RP1: variants seen among roughly 807,000 people sequenced by gnomAD.
The protein encoded by RP1 is RP1 axonemal microtubule associated, also known as oxygen-regulated protein 1.
Under a neutral mutation model 14.8 loss-of-function variants are expected in RP1, and 16 were observed. The ratio of observed to expected loss-of-function variants is 1.08; its 90% CI spans 0.73 to 1.65. The LOEUF (loss-of-function observed/expected upper bound fraction) is 1.65, where lower values mean the gene tolerates loss of function less well. Among genes scored for constraint, RP1 ranks in the 40% most tolerant of loss-of-function variants. RP1 has a pLI of 0.00. For synonymous variants in RP1, 876 were observed against 883.6 expected (o/e 0.99, Z 0.15); for missense variants, 2,631 against 2,535.0 (o/e 1.04, Z -0.81).
chr8:54,663,386 C>T (rs1196563102), intron 6 of RP1, among the ~76,000 whole-genome samples: 1 of 152,118 alleles, frequency 6.6e-6, no homozygotes, highest in Non-Finnish European at 1.5e-5. Context: ...AAAAGTATGT[C>T]AAATTTGCTA....
At chr8:54,788,772 G>T (rs1810389875) in intron 24 of RP1, among the ~76,000 whole-genome samples, 1 of 152,180 alleles carries the variant, frequency 6.6e-6, no homozygotes, top group Non-Finnish European at 1.5e-5. Context: ...CAGTTCAGAT[G>T]ATATCAGCAA....
Position 54,756,052 on chromosome 8 carries a change from A to G in RP1, c.3093+282A>G, listed in dbSNP as rs1348045174. ...AAAAAAATGAACTCAAAAGACAAGG[A>G]AAATATTTATGAATGTGCTCTCTCA... On this transcript the variant is annotated intron_variant, in intron 21 of 22. Transcript: ENST00000636932. Among the ~76,000 whole-genome samples, 7 of 152,358 alleles carry G rather than the reference A, an allele frequency of 4.6e-5. No homozygotes were observed. The South Asian group carries it at 1.4e-3, about 32-fold the overall frequency.
chr8:54,630,591 T>C lies in RP1; in HGVS notation c.*238T>C. ...TGGAAGTTTCTATCTGGTTTTGTTC[T>C]GAACTTACATTTTTTTTTTTTTTGG... On this transcript the variant is annotated 3_prime_UTR_variant, in exon 4 of 4. Coordinates refer to ENST00000220676, the MANE Select transcript of RP1 (RefSeq NM_006269.2). 1 of 1,267,438 alleles carries C rather than the reference T, an allele frequency of 7.9e-7. No homozygotes were observed. Among genetic ancestry groups the C allele is most frequent in the Non-Finnish European group, 9.9e-7 (1 of 1,006,260 alleles). 78.5% of individuals were successfully genotyped at this position (1,267,438 alleles called of 1,614,324 possible).
intron 1 of RP1, among the ~76,000 whole-genome samples, chr8:54,564,912 A>G (rs186320189): frequency 7.9e-5 from 12 of 152,300 alleles, no homozygotes; most frequent in African/African-American, 2.9e-4. Flanking sequence ...TGCCCAACTA[A>G]TTTATTTTTT....
At chr8:54,716,611 A>C (rs185549620) in intron 15 of RP1, among the ~76,000 whole-genome samples, 128 of 152,268 alleles carry the variant, frequency 8.4e-4, no homozygotes, top group African/African-American at 3.0e-3. Context: ...CTCTGGTCTT[A>C]ATGGTCCTAA....
intron 26 of RP1, among the ~76,000 whole-genome samples, chr8:54,856,091 G>A (rs546723343): frequency 6.6e-6 from 1 of 152,212 alleles, no homozygotes; most frequent in South Asian, 2.1e-4. Context: ...ATAGTAGAGT[G>A]GATAAATAAT....
At chr8:54,789,036 G>T (rs1380715308) in intron 24 of RP1, among the ~76,000 whole-genome samples, 1 of 152,142 alleles carries the variant, frequency 6.6e-6, no homozygotes, top group Non-Finnish European at 1.5e-5. Flanking sequence ...AAAATTTTGG[G>T]GTGCTTCATG....
intron 22 of RP1, among the ~76,000 whole-genome samples, chr8:54,760,466 A>G (rs537991468): frequency 6.6e-6 from 1 of 152,254 alleles, no homozygotes; most frequent in East Asian, 1.9e-4. Context: ...ATTTTATTGT[A>G]TAGCTTTGCC....
chr8:54,668,410 T>C (rs902787150), intron 7 of RP1, among the ~76,000 whole-genome samples: 1 of 152,194 alleles, frequency 6.6e-6, no homozygotes, highest in Non-Finnish European at 1.5e-5. Context: ...TCCATGCTTA[T>C]GGATAGGAAG....
In RP1 at chr8:54,784,821, T is replaced by A. The variant is rs550523726; in HGVS notation, c.3615+1111T>A. ...AAGTGAGAGTATATAACTGTGGATC[T>A]ATGGAAGTTGTCTTCATTTCTTTTT... On this transcript the variant is annotated intron_variant, in intron 24 of 28. Transcript: ENST00000637698. Among the ~76,000 whole-genome samples, 51 of 152,260 alleles carry A rather than the reference T, an allele frequency of 3.3e-4. No homozygotes were observed. The South Asian group carries it at 6.4e-3, about 19-fold the overall frequency.
At position 54,625,211 on chromosome 8, in the gene RP1, G is replaced by C. The variant is rs368559909; in HGVS notation, c.1329G>C (p.Lys443Asn). 6 of 1,614,036 alleles carry C rather than the reference G, an allele frequency of 3.7e-6. No individual in the cohort carries two copies. In the African/African-American group the frequency reaches 8.0e-5, roughly 22 times the overall value. Reference protein sequence around the residue: ...DIIQGTQDQAKHRFYRPPTPG... With the variant: ...DIIQGTQDQANHRFYRPPTPG... ...TCCAGGGAACTCAAGACCAAGCAAAGCATCGTTTTTATAGGCCCCCTACAC... is the reference window on the plus strand; with the variant it reads ...TCCAGGGAACTCAAGACCAAGCAAACCATCGTTTTTATAGGCCCCCTACAC... Residue 443 changes from lysine to asparagine, a missense_variant, in exon 4 of 4, where the codon AAG (lysine) becomes AAC (asparagine). Physicochemically the swap from Lys to Asn is moderately conservative, Grantham distance 94. Transcript: ENST00000220676.
chr8:54,802,802 C>T (rs548650572), intron 24 of RP1, among the ~76,000 whole-genome samples: 5 of 152,268 alleles, frequency 3.3e-5, no homozygotes, highest in Admixed American at 2.0e-4. Context: ...CCCCGTTAAG[C>T]AGGATAGATG....
intron 25 of RP1, among the ~76,000 whole-genome samples, chr8:54,848,281 A>G (rs1811977336): frequency 6.6e-6 from 1 of 152,156 alleles, no homozygotes; most frequent in African/African-American, 2.4e-5. Flanking sequence ...TCTGAGCCCC[A>G]AGGCTTGTGG....
downstream of RP1, among the ~76,000 whole-genome samples, chr8:54,633,737 C>CTCTCTCTCTCTCTCTA (rs1236298691): frequency 4.2e-5 from 5 of 118,806 alleles, no homozygotes; most frequent in African/African-American, 1.6e-4. Context: ...CTCTCTCTCT[C>CTCTCTCTCTCTCTCTA]TATATATATA....
intron 1 of RP1, among the ~76,000 whole-genome samples, 199 bp downstream of exon 1, chr8:54,616,401 G>T (rs1805716237): frequency 6.6e-6 from 1 of 152,154 alleles, no homozygotes; most frequent in South Asian, 2.1e-4. Context: ...AAATAGAATG[G>T]AACTTCAGTA....
chr8:54,657,669 T>C (rs1451166095), intron 6 of RP1, among the ~76,000 whole-genome samples: 1 of 152,212 alleles, frequency 6.6e-6, no homozygotes, highest in African/African-American at 2.4e-5. Context: ...TGGATTAATG[T>C]CTTTTTTGCT....
chr8:54,643,246 T>A (rs1192737620), intron 3 of RP1, among the ~76,000 whole-genome samples: 1 of 152,202 alleles, frequency 6.6e-6, no homozygotes, highest in Non-Finnish European at 1.5e-5. Context: ...GTATGCATTT[T>A]AAATGTACAA....
intron 25 of RP1, among the ~76,000 whole-genome samples, chr8:54,852,333 A>G (rs1480493729): frequency 6.6e-6 from 1 of 152,210 alleles, no homozygotes; most frequent in African/African-American, 2.4e-5. Flanking sequence ...TTGAAAGTAC[A>G]TAATTGCTAA....
At position 54,622,272 on chromosome 8, in the gene RP1, G is replaced by A; in HGVS notation, c.771G>A (p.Lys257=). ...GTGTGTACCCCAAGGGAAATGCAAA[G>A]TCAGAAAGCAGAAAGAGTAAGTCAC... ...SQRVYPKGNA[K]SESRKISTHM... The change falls in exon 3 of 4, where the codon AAG becomes AAA. Residue 257 remains lysine (K), a synonymous_variant. Coordinates refer to ENST00000220676, the MANE Select transcript of RP1 (RefSeq NM_006269.2). 6.2e-7 allele frequency: 1 copy of A among 1,614,078 alleles called. No individual in the cohort carries two copies.
Sources: gnomAD v4.1 joint callset for allele counts (sites outside exome capture counted in the v4.1 genomes callset) on GRCh38, gnomAD v4.1.1 for gene constraint, MANE v1.5 for transcripts, NCBI Gene and HGNC (gene_info 2026-07-23, HGNC 2026-07-21) for gene names.